The following COL26A1 variants were observed in gnomAD, a reference collection of about 807,000 sequenced individuals.
COL26A1 encodes the protein collagen alpha-1(XXVI) chain.
Under a neutral mutation model 59.3 loss-of-function variants are expected in COL26A1, and 41 were observed. That is an observed-to-expected ratio of 0.69 (90% CI 0.54 to 0.90). The LOEUF (loss-of-function observed/expected upper bound fraction) is 0.90, where lower values mean the gene tolerates loss of function less well. Among genes scored for constraint, COL26A1 ranks in the 40% least tolerant of loss-of-function variants. The pLI is 0.00. For missense variants in COL26A1, 612 were observed against 602.3 expected, an observed-to-expected ratio of 1.02 and a Z score of -0.17; for synonymous variants, 266 against 256.0, an observed-to-expected ratio of 1.04 and a Z score of -0.37.
chr7:101,466,606 CT>C (rs1793763050), intron 3 of COL26A1, among the ~76,000 whole-genome samples: 1 of 152,080 alleles, frequency 6.6e-6, no homozygotes, highest in African/African-American at 2.4e-5. Flanking sequence ...GGGAGAATCG[CT>C]TGAGCCTCGG....
chr7:101,414,432 T>TTGTG (rs34282686), intron 1 of COL26A1, among the ~76,000 whole-genome samples: 3,390 of 146,248 alleles, frequency 0.023, 39 homozygotes, highest in Non-Finnish European at 0.029. Context: ...CACTCTGTGT[T>TTGTG]TGTGTGTGTG....
intron 3 of COL26A1, among the ~76,000 whole-genome samples, chr7:101,451,372 A>G (rs1793334614): frequency 6.8e-6 from 1 of 147,022 alleles, no homozygotes; most frequent in Non-Finnish European, 1.5e-5. Context: ...TATAAATTAT[A>G]TATAATGTTA....
chr7:101,474,832 T>C (rs1352989848), intron 3 of COL26A1, among the ~76,000 whole-genome samples: 2 of 152,186 alleles, frequency 1.3e-5, no homozygotes, highest in African/African-American at 4.8e-5. Flanking sequence ...CAGGGAGACC[T>C]GTGTATTTTT....
At chr7:101,388,691 C>T (rs763525225) in intron 1 of COL26A1, among the ~76,000 whole-genome samples, 7 of 151,710 alleles carry the variant, frequency 4.6e-5, no homozygotes, top group Non-Finnish European at 8.8e-5. Context: ...AGCCCCCCAA[C>T]TAGCTGGGAC....
chr7:101,387,748 A>T (rs1348460133), intron 1 of COL26A1, among the ~76,000 whole-genome samples: 29 of 100,148 alleles, frequency 2.9e-4, no homozygotes, highest in African/African-American at 1.2e-3. Context: ...ATATATATAT[A>T]TATATTTATA....
chr7:101,423,118 A>C (rs972259293), intron 2 of COL26A1, among the ~76,000 whole-genome samples: 1 of 152,094 alleles, frequency 6.6e-6, no homozygotes, highest in Non-Finnish European at 1.5e-5. Context: ...TACGAAAATT[A>C]GCCAGGTGTG....
At chr7:101,480,874 A>G (rs975870564) in intron 3 of COL26A1, among the ~76,000 whole-genome samples, 1 of 151,816 alleles carries the variant, frequency 6.6e-6, no homozygotes, top group Non-Finnish European at 1.5e-5. Flanking sequence ...TTTATGGTTA[A>G]CTCATCTTTG....
chr7:101,433,732 G>C (rs1792835606), intron 2 of COL26A1, among the ~76,000 whole-genome samples: 1 of 152,064 alleles, frequency 6.6e-6, no homozygotes, highest in Non-Finnish European at 1.5e-5. Flanking sequence ...GGAGAAAGAG[G>C]GGGGCCCTGT....
chr7:101,516,370 C>T (rs1171222624), intron 3 of COL26A1, among the ~76,000 whole-genome samples: 1 of 152,094 alleles, frequency 6.6e-6, no homozygotes, highest in African/African-American at 2.4e-5. Flanking sequence ...CTCCTTAGCT[C>T]AAGCAATCCT....
At chr7:101,465,872 T>C (rs754922885) in intron 3 of COL26A1, among the ~76,000 whole-genome samples, 6 of 152,022 alleles carry the variant, frequency 3.9e-5, no homozygotes, top group Non-Finnish European at 7.4e-5. Context: ...CTTCTGGGGG[T>C]CCACACGTGT....
chr7:101,369,747 C>G (rs1186810251), intron 1 of COL26A1, among the ~76,000 whole-genome samples: 3 of 152,074 alleles, frequency 2.0e-5, no homozygotes, highest in Non-Finnish European at 2.9e-5. Context: ...ATGGCAAACA[C>G]ATGTTTAATT....
intron 3 of COL26A1, among the ~76,000 whole-genome samples, chr7:101,516,418 C>T (rs1328394173): frequency 6.6e-6 from 1 of 151,956 alleles, no homozygotes; most frequent in South Asian, 2.1e-4. Flanking sequence ...ACTACAGGTG[C>T]GCACCACCAT....
intron 3 of COL26A1, among the ~76,000 whole-genome samples, chr7:101,470,554 T>C (rs10953343): frequency 0.12 from 18,164 of 151,624 alleles, 1,696 homozygotes; most frequent in East Asian, 0.3. Context: ...TGCCAAGGAC[T>C]GTATCGCCGT....
At chr7:101,500,662 C>T (rs1308008093) in intron 3 of COL26A1, among the ~76,000 whole-genome samples, 1 of 149,914 alleles carries the variant, frequency 6.7e-6, no homozygotes, top group Non-Finnish European at 1.5e-5. Context: ...TAAAAAAAAC[C>T]CCACAAAAAT....
At chr7:101,539,335 C>CT (rs200640054) in intron 4 of COL26A1, among the ~76,000 whole-genome samples, 31 of 142,662 alleles carry the variant, frequency 2.2e-4, no homozygotes, top group Non-Finnish European at 1.8e-4. Context: ...TGTGTGTGTG[C>CT]TTTTTTTTTC....
chr7:101,463,697 TTCTC>T (rs1297254702), intron 3 of COL26A1, among the ~76,000 whole-genome samples: 8 of 114,000 alleles, frequency 7.0e-5, no homozygotes, highest in Non-Finnish European at 1.4e-4. Context: ...TTCTTTCTTT[TTCTC>T]TCTCTTTCTT....
chr7:101,505,956 A>T (rs1794804754), intron 3 of COL26A1, among the ~76,000 whole-genome samples: 1 of 152,076 alleles, frequency 6.6e-6, no homozygotes, highest in African/African-American at 2.4e-5. Context: ...TACAGACTAG[A>T]CCCTGAGTCT....
chr7:101,393,310 C>T (rs367959784), intron 1 of COL26A1, among the ~76,000 whole-genome samples: 18 of 152,186 alleles, frequency 1.2e-4, no homozygotes, highest in Admixed American at 3.3e-4. Flanking sequence ...CACAATAGGC[C>T]ATCTGCAAGC....
At position 101,547,165 on chromosome 7, in the gene COL26A1, C is replaced by A; in HGVS notation, c.866C>A (p.Ser289Ter). ...QPPTDKDNGD[S>*]RLASAIVDTV... ...TCCGCTCTTCCCACAGATGGAGACT[C>A]AAGGCTGGCCTCTGCCATCGTGGAC... Residue 289 changes from serine (S) to a stop codon, truncating the protein, a stop_gained, in exon 8 of 13, where the codon TCA becomes TAA. Coordinates refer to ENST00000313669, the MANE Select transcript of COL26A1 (RefSeq NM_001278563.3). LOFTEE classifies it high-confidence loss of function. 1 of 1,595,220 alleles carries A rather than the reference C, an allele frequency of 6.3e-7. No homozygotes were observed. Among genetic ancestry groups the A allele is most frequent in the South Asian group, 1.1e-5 (1 of 87,246 alleles).
Sources: allele counts gnomAD v4.1 joint callset (sites outside exome capture counted in the v4.1 genomes callset), GRCh38; gene constraint gnomAD v4.1.1; transcripts MANE v1.5; gene names NCBI Gene and HGNC (gene_info 2026-07-23, HGNC 2026-07-21).